The following UNC80 variants were observed in gnomAD, a reference collection of about 807,000 sequenced individuals.
UNC80 encodes protein unc-80 homolog.
Under a neutral mutation model 384.6 loss-of-function variants are expected in UNC80, and 164 were observed. The ratio of observed to expected loss-of-function variants is 0.43; its 90% confidence interval spans 0.38 to 0.49. The LOEUF is 0.49. UNC80 is among the 20% of genes least tolerant of loss of function. The pLI is 0.00. For missense variants in UNC80, 3,330 were observed against 4,143.0 expected, an observed-to-expected ratio of 0.80 and a Z score of 5.39; for synonymous variants, 1,486 against 1,527.8, an observed-to-expected ratio of 0.97 and a Z score of 0.64.
At chr2:209,898,415 A>C (rs1334712159) in intron 28 of UNC80, among the ~76,000 whole-genome samples, 5 of 152,148 alleles carry the variant, frequency 3.3e-5, no homozygotes, top group African/African-American at 1.2e-4. Context: ...CATATCATTC[A>C]GTTAAAATAT....
At position 209,976,420 on chromosome 2, in the gene UNC80, C is replaced by G. The variant is rs890912716; in HGVS notation, c.8772+117C>G. On this transcript the variant is annotated intron_variant, in intron 57 of 64. Transcript: ENST00000673920. The surrounding 1 kb of genome is among the most constrained non-coding windows in gnomAD (Gnocchi z 4.3). ...TACCTACTGTTGCCAGTTAGTAGGG[C>G]CTGTTAATACCATGCTTGATGAGAA... 7.9e-7 allele frequency: 1 copy of G among 1,260,954 alleles called. No homozygotes were observed. The highest frequency in any genetic ancestry group is 1.1e-6 in the Non-Finnish European group (1 of 911,904). The allele number at this position is 1,260,954 out of a possible 1,614,324, so 78.1% of individuals were successfully genotyped here. A position where few individuals can be genotyped will look rare whatever the true frequency, so the allele number is the denominator to read the frequency against.
chr2:209,834,212 C>T (rs1334410460), intron 17 of UNC80, 44 bp downstream of exon 17: 5 of 1,538,540 alleles, frequency 3.2e-6, no homozygotes, highest in Middle Eastern at 1.7e-4. Flanking sequence ...TGCCTTAAGT[C>T]AGTAGAATAA....
Position 209,959,578 on chromosome 2 carries a change from G to A in UNC80, c.7676G>A (p.Arg2559Gln). ...GCTCGGGAAGAGTTCAGAAGACCCCGGGAGTCCTTACTGAATATTTGCACT... is the reference window on the plus strand; with the variant it reads ...GCTCGGGAAGAGTTCAGAAGACCCCAGGAGTCCTTACTGAATATTTGCACT... ...RIAREEFRRP[R>Q]ESLLNICTEF... Residue 2559 changes from arginine to glutamine, a missense_variant, in exon 51 of 65, where the codon CGG becomes CAG. Around this residue, in one of 8 missense-constraint regions of UNC80, gnomAD observed 1,049 missense variants for 1,488.6 expected, o/e 0.70. Transcript: ENST00000673920. 5 of 1,551,692 alleles carry A rather than the reference G, an allele frequency of 3.2e-6. No homozygotes were observed. Among genetic ancestry groups the A allele is most frequent in the South Asian group, 1.2e-5 (1 of 84,064 alleles).
At chr2:209,938,198 T>A (rs940960333) in intron 42 of UNC80, among the ~76,000 whole-genome samples, 14 of 152,214 alleles carry the variant, frequency 9.2e-5, no homozygotes, top group African/African-American at 3.4e-4. Context: ...CAGAATAATA[T>A]TCACATTTAA....
rs1317014040 is a variant in UNC80 at position 209,984,929 on chromosome 2, A to G, written c.9314+17A>G. On this transcript the variant is annotated intron_variant, in intron 61 of 64. Transcript: ENST00000673920. ...CCTCTCTAGGTACAGTGTCAATGCT[A>G]CCTGTCTATTGGTGTCTGTGCTGGG... 6 of 1,547,652 alleles carry G rather than the reference A, an allele frequency of 3.9e-6. No homozygotes were observed. Among genetic ancestry groups the G allele is most frequent in the Non-Finnish European group, 5.2e-6 (6 of 1,145,444 alleles).
chr2:209,971,986 T>C (rs1350780922), intron 54 of UNC80, among the ~76,000 whole-genome samples: 1 of 152,242 alleles, frequency 6.6e-6, no homozygotes, highest in Non-Finnish European at 1.5e-5. Flanking sequence ...TTCAAGATGT[T>C]ACTATCTTTT....
At chr2:209,880,693 A>T (rs1399195254) in intron 24 of UNC80, among the ~76,000 whole-genome samples, 1 of 152,218 alleles carries the variant, frequency 6.6e-6, no homozygotes, top group African/African-American at 2.4e-5. Flanking sequence ...CTTGTTCAAT[A>T]TTTTAATACT....
chr2:209,902,809 TAGAA>T (rs769390962), intron 28 of UNC80, among the ~76,000 whole-genome samples: 6 of 152,106 alleles, frequency 3.9e-5, no homozygotes, highest in African/African-American at 7.2e-5. Context: ...CACTGGGAAA[TAGAA>T]AGATTGTGTG....
At chr2:209,962,847 T>C (rs1426438710) in intron 51 of UNC80, among the ~76,000 whole-genome samples, 1 of 152,214 alleles carries the variant, frequency 6.6e-6, no homozygotes, top group Non-Finnish European at 1.5e-5. Context: ...TGAATATGTG[T>C]AAAAGTTGGA....
In UNC80 at chr2:209,849,632, G is replaced by C. The variant is rs1258637919; in HGVS notation, c.3627+9G>C. 1 of 1,549,918 alleles carries C rather than the reference G, an allele frequency of 6.5e-7. No homozygotes were observed. Among genetic ancestry groups the C allele is most frequent in the Non-Finnish European group, 8.7e-7 (1 of 1,145,834 alleles). On this transcript the variant is annotated intron_variant, in intron 22 of 64. Transcript: ENST00000673920. ...CAGCTGCCTTGGATCTAGTAAGTTGGTGAAAGAATTTTCCCACCCTGCCCC... is the reference window on the plus strand; with the variant it reads ...CAGCTGCCTTGGATCTAGTAAGTTGCTGAAAGAATTTTCCCACCCTGCCCC...
rs1362751494 is a variant in UNC80 at position 209,921,698 on chromosome 2, A to G, written c.5530+12A>G. The G allele has an allele frequency of 2.0e-6, 3 of 1,530,976 alleles. No individual in the cohort carries two copies. In the South Asian group the frequency reaches 3.7e-5, roughly 19 times the overall value. 94.8% of individuals were successfully genotyped at this position (1,530,976 alleles called of 1,614,324 possible). A position where few individuals can be genotyped will look rare whatever the true frequency, so the allele number is the denominator to read the frequency against. On this transcript the variant is annotated intron_variant, in intron 34 of 64. Coordinates refer to ENST00000673920, the MANE Select transcript of UNC80 (RefSeq NM_001371986.1). ...ACCGGAAGAAGAAGGTGCCCTCTGC[A>G]CACAGGACTTCTTGGGGGGCTGAGT...
chr2:209,783,957 A>G (rs1040374639), intron 4 of UNC80, among the ~76,000 whole-genome samples: 5 of 152,186 alleles, frequency 3.3e-5, no homozygotes, highest in Admixed American at 6.6e-5. Flanking sequence ...CTGTCTGTCT[A>G]AGTGCTTACT....
In UNC80 at chr2:209,969,878, T is replaced by A. The variant is rs1458006411; in HGVS notation, c.8117T>A (p.Val2706Asp). 6.4e-7 allele frequency: 1 copy of A among 1,551,772 alleles called. No homozygotes were observed. Among genetic ancestry groups the A allele is most frequent in the Admixed American group, 2.0e-5 (1 of 50,992 alleles). Residue 2706 changes from valine to aspartate, a missense_variant, in exon 53 of 65, where the codon GTC becomes GAC. Coordinates refer to ENST00000673920, the MANE Select transcript of UNC80 (RefSeq NM_001371986.1). ...CCTCACCTTAGGTCACTGATCAATG[T>A]CTGTGTCAATCTGGTGAGTAGCCAA... ...FLPHLRSLIN[V>D]CVNLVMGVVG...
At chr2:209,902,889 G>T (rs1445293161) in intron 28 of UNC80, among the ~76,000 whole-genome samples, 2 of 146,192 alleles carry the variant, frequency 1.4e-5, no homozygotes, top group African/African-American at 5.2e-5. Context: ...TATCTCCAAG[G>T]TATGCCTGTA....
chr2:209,991,694 C>G (rs1390672815), intron 61 of UNC80, among the ~76,000 whole-genome samples: 1 of 152,126 alleles, frequency 6.6e-6, no homozygotes, highest in Non-Finnish European at 1.5e-5. Flanking sequence ...TGAATGTGCC[C>G]CTTCACCCAA....
At chr2:209,964,783 C>T (rs2092696854) in intron 51 of UNC80, among the ~76,000 whole-genome samples, 1 of 126,188 alleles carries the variant, frequency 7.9e-6, no homozygotes, top group Non-Finnish European at 1.6e-5. Context: ...GAGACTCTGT[C>T]TCAAAAAAAA....
At chr2:209,878,528 T>G (rs2084979947) in intron 24 of UNC80, among the ~76,000 whole-genome samples, 2 of 152,196 alleles carry the variant, frequency 1.3e-5, no homozygotes, top group Admixed American at 1.3e-4. Flanking sequence ...ACTAAAATAT[T>G]GAAAATTTTA....
rs994136493 is a variant in UNC80 at position 209,813,797 on chromosome 2, A to G, written c.1156A>G (p.Met386Val). ...PLLPRPRSSSMVAAAPSLVNT... is the reference protein window; with the variant it reads ...PLLPRPRSSSVVAAAPSLVNT... ...CCTGCCCAGACCCAGGAGTAGCTCC[A>G]TGGTGGCAGCAGCTCCCTCACTAGT... The change falls in exon 8 of 65, where the codon ATG becomes GTG. Residue 386 changes from methionine to valine, a missense_variant. By Grantham distance (21) the Met-to-Val change is conservative. Around this residue, in one of 8 missense-constraint regions of UNC80, gnomAD observed 937 missense variants for 1,026.8 expected, o/e 0.91. Coordinates refer to ENST00000673920, the MANE Select transcript of UNC80 (RefSeq NM_001371986.1). 1.9e-6 allele frequency: 3 copies of G among 1,552,078 alleles called. No individual in the cohort carries two copies. Among genetic ancestry groups the G allele is most frequent in the East Asian group, 2.4e-5 (1 of 40,930 alleles).
At chr2:209,979,569 A>G (rs1181249181) in intron 59 of UNC80, among the ~76,000 whole-genome samples, 1 of 152,172 alleles carries the variant, frequency 6.6e-6, no homozygotes, top group East Asian at 1.9e-4. Flanking sequence ...CAGCCCAGAA[A>G]CTTCTAAGGC....
Sources: gnomAD v4.1 joint callset for allele counts (sites outside exome capture counted in the v4.1 genomes callset) on GRCh38, gnomAD v4.1.1 for gene constraint, gnomAD v4.1.1 regional missense constraint, Gnocchi (gnomAD v3.1) non-coding constraint, MANE v1.5 for transcripts, NCBI Gene and HGNC (gene_info 2026-07-23, HGNC 2026-07-21) for gene names.